Variants in AGBL4 observed in about 807,000 individuals in gnomAD.
The protein encoded by AGBL4 is cytosolic carboxypeptidase 6.
AGBL4 carries 58 observed loss-of-function variants against 66.4 expected under a neutral mutation model. The ratio of observed to expected loss-of-function variants is 0.87; its 90% CI spans 0.71 to 1.09. The LOEUF (loss-of-function observed/expected upper bound fraction) is 1.09, where lower values mean the gene tolerates loss of function less well. Ranked by LOEUF, AGBL4 falls within the 50% of genes least tolerant of loss-of-function variation. The pLI, the probability that AGBL4 is intolerant of heterozygous loss-of-function variation, is 0.00. For synonymous variants in AGBL4, 234 were observed against 222.9 expected, an observed-to-expected ratio of 1.05 and a Z score of -0.44; for missense variants, 579 against 631.0, an observed-to-expected ratio of 0.92 and a Z score of 0.88.
At chr1:49,994,383 A>C (rs1377692674) in intron 1 of AGBL4, 1 of 151,758 alleles carries the variant, frequency 6.6e-6, no homozygotes, top group Non-Finnish European at 1.5e-5. Context: ...GGGGAAAAAT[A>C]GACAGAATGA....
intron 3 of AGBL4, among the ~76,000 whole-genome samples, chr1:49,648,335 A>G (rs1645932482): frequency 2.0e-5 from 3 of 147,234 alleles, no homozygotes; most frequent in Admixed American, 6.8e-5. Flanking sequence ...AAATGACAGG[A>G]AAAAAAAAAA....
intron 1 of AGBL4, among the ~76,000 whole-genome samples, chr1:49,916,765 T>C (rs1651554713): frequency 6.6e-6 from 1 of 151,954 alleles, no homozygotes; most frequent in African/African-American, 2.4e-5. Flanking sequence ...GAAGAGCAAC[T>C]CCAGGACACA....
At chr1:49,675,744 C>T (rs1032588487) in intron 3 of AGBL4, among the ~76,000 whole-genome samples, 1 of 151,976 alleles carries the variant, frequency 6.6e-6, no homozygotes, top group African/African-American at 2.4e-5. Flanking sequence ...CTAAGGGAGA[C>T]AGTATATCAA....
chr1:49,222,172 T>A (rs1649547873), intron 4 of AGBL4, among the ~76,000 whole-genome samples: 1 of 152,168 alleles, frequency 6.6e-6, no homozygotes, highest in African/African-American at 2.4e-5. Context: ...CCATATTATA[T>A]ATGTCTTTAT....
chr1:49,563,721 T>C (rs1250026729), intron 3 of AGBL4, among the ~76,000 whole-genome samples: 1 of 152,182 alleles, frequency 6.6e-6, no homozygotes, highest in Non-Finnish European at 1.5e-5. Context: ...CAGTATTTTA[T>C]TGAGGATTTT....
chr1:48,998,783 G>T (rs761922262), intron 5 of AGBL4, among the ~76,000 whole-genome samples: 1 of 152,162 alleles, frequency 6.6e-6, no homozygotes, highest in South Asian at 2.1e-4. Flanking sequence ...AGAAATGAAC[G>T]TCATTGTTCT....
At chr1:49,282,086 A>C (rs1644285280) in intron 3 of AGBL4, among the ~76,000 whole-genome samples, 1 of 152,178 alleles carries the variant, frequency 6.6e-6, no homozygotes, top group South Asian at 2.1e-4. Context: ...GATAGTCAGA[A>C]TTGAATGAAA....
chr1:49,646,401 T>G (rs1211293797), intron 3 of AGBL4, among the ~76,000 whole-genome samples: 2 of 151,840 alleles, frequency 1.3e-5, no homozygotes, highest in African/African-American at 2.4e-5. Flanking sequence ...AAGCAATTAA[T>G]AATTGAAAGC....
chr1:50,019,347 C>G (rs958454478), intron 1 of AGBL4, among the ~76,000 whole-genome samples: 2 of 146,470 alleles, frequency 1.4e-5, no homozygotes, highest in African/African-American at 5.1e-5. Flanking sequence ...TAAACACACA[C>G]AGACACCAAT....
chr1:49,705,891 A>G (rs1265245646), intron 2 of AGBL4, among the ~76,000 whole-genome samples: 1 of 152,182 alleles, frequency 6.6e-6, no homozygotes, highest in African/African-American at 2.4e-5. Flanking sequence ...CCAGGGATGA[A>G]GCCAACTTGA....
chr1:48,885,967 T>G (rs947429360), intron 5 of AGBL4, among the ~76,000 whole-genome samples: 7 of 152,212 alleles, frequency 4.6e-5, no homozygotes, highest in Admixed American at 3.3e-4. Flanking sequence ...GGACAACTGC[T>G]GAGTTCCTCA....
chr1:49,925,164 G>C lies in AGBL4; in HGVS notation c.35-73646C>G, dbSNP rs987262390. 4.3e-4 allele frequency among the ~76,000 whole-genome samples: 65 copies of C among 152,196 alleles called. 1 individual carries two copies. Among genetic ancestry groups the C allele is most frequent in the African/African-American group, 1.5e-3 (63 of 41,454 alleles). On this transcript the variant is annotated intron_variant, in intron 1 of 13. Coordinates refer to ENST00000371839, the MANE Select transcript of AGBL4 (RefSeq NM_032785.4). ...CTTGAGAAAAGGAAAAACAGGATTG[G>C]AGAGGACTTTGTCTTGCAACTTGGA...
At chr1:49,720,967 G>C (rs547579685) in intron 2 of AGBL4, among the ~76,000 whole-genome samples, 1 of 152,200 alleles carries the variant, frequency 6.6e-6, no homozygotes, top group South Asian at 2.1e-4. Context: ...AATGAGAGGC[G>C]AAGCCAGCTG....
intron 7 of AGBL4, among the ~76,000 whole-genome samples, chr1:48,656,410 C>T (rs1646021356): frequency 6.6e-6 from 1 of 152,196 alleles, no homozygotes; most frequent in Admixed American, 6.5e-5. Flanking sequence ...GCTCATTCTA[C>T]AAACATTCAT....
chr1:49,897,760 T>C (rs78019440), intron 1 of AGBL4, among the ~76,000 whole-genome samples: 8,094 of 151,862 alleles, frequency 0.053, 239 homozygotes, highest in African/African-American at 0.071. Context: ...AACAGCATGA[T>C]AATAGCATAA....
intron 1 of AGBL4, among the ~76,000 whole-genome samples, chr1:49,900,476 C>T (rs994219238): frequency 1.3e-5 from 2 of 152,046 alleles, no homozygotes; most frequent in Non-Finnish European, 2.9e-5. Context: ...AACTCCTGAC[C>T]TCAGGTGATC....
chr1:49,417,948 T>C (rs2148637500), intron 3 of AGBL4, among the ~76,000 whole-genome samples: 1 of 152,326 alleles, frequency 6.6e-6, no homozygotes, highest in African/African-American at 2.4e-5. Context: ...GAAAGGAGAC[T>C]TTTCAGCTTT....
intron 1 of AGBL4, among the ~76,000 whole-genome samples, chr1:49,979,746 G>A (rs944432021): frequency 2.6e-5 from 4 of 152,018 alleles, no homozygotes; most frequent in African/African-American, 2.4e-5. Context: ...GTCTTTCTTC[G>A]TTTAGTGCAA....
chr1:49,633,772 T>C (rs1645615946), intron 3 of AGBL4, among the ~76,000 whole-genome samples: 2 of 150,790 alleles, frequency 1.3e-5, no homozygotes, highest in Non-Finnish European at 3.0e-5. Context: ...TTTAAATACA[T>C]GTATATTTAA....
Sources: allele counts gnomAD v4.1 joint callset (sites outside exome capture counted in the v4.1 genomes callset), GRCh38; gene constraint gnomAD v4.1.1; transcripts MANE v1.5; gene names NCBI Gene and HGNC (gene_info 2026-07-23, HGNC 2026-07-21).